The following SEPTIN9 variants were observed in gnomAD, a reference collection of about 807,000 sequenced individuals.
SEPTIN9 encodes septin 9, also known as septin-9.
In SEPTIN9, 13 loss-of-function variants were observed where a neutral mutation model predicts 56.6. That is an observed-to-expected ratio of 0.23 (90% CI 0.15 to 0.37). The LOEUF (loss-of-function observed/expected upper bound fraction) is 0.37, where lower values mean the gene tolerates loss of function less well. Ranked by LOEUF, SEPTIN9 falls within the 10% of genes least tolerant of loss-of-function variation. The pLI is 1.00. For missense variants in SEPTIN9, 650 were observed against 823.1 expected, an observed-to-expected ratio of 0.79 and a Z score of 2.57; for synonymous variants, 332 against 334.1, an observed-to-expected ratio of 0.99 and a Z score of 0.07.
chr17:77,380,451 C>T (rs930210355), intron 2 of SEPTIN9, among the ~76,000 whole-genome samples: 1 of 151,986 alleles, frequency 6.6e-6, no homozygotes. Flanking sequence ...GGCATTCTGT[C>T]ACTCCTGGCA....
chr17:77,421,600 C>T lies in SEPTIN9; in HGVS notation c.721+18897C>T, dbSNP rs544517627. On this transcript the variant is annotated intron_variant, in intron 3 of 11. Coordinates refer to ENST00000427177, the MANE Select transcript of SEPTIN9 (RefSeq NM_001113491.2). This position sits in a 1 kb window ranked among gnomAD's most constrained non-coding sequence, Gnocchi z 4.6. ...CACATGTCCCAGAATGCACCCTCTGCGTGTACAGGGATGGCTTTTGGGCCA... is the reference window on the plus strand; with the variant it reads ...CACATGTCCCAGAATGCACCCTCTGTGTGTACAGGGATGGCTTTTGGGCCA... 2.6e-5 allele frequency among the ~76,000 whole-genome samples: 4 copies of T among 152,298 alleles called. No homozygotes were observed. In the East Asian group the frequency reaches 7.7e-4, roughly 29 times the overall value.
At chr17:77,346,278 CTTTTTTT>C (rs577131369) in intron 2 of SEPTIN9, among the ~76,000 whole-genome samples, 101 of 46,314 alleles carry the variant, frequency 2.2e-3, no homozygotes, top group African/African-American at 6.0e-3. Flanking sequence ...ATCCTTAGGT[CTTTTTTT>C]TTTTTTTTTT....
chr17:77,488,612 C>T lies in SEPTIN9; in HGVS notation c.1125-115C>T, dbSNP rs1383405823. On this transcript the variant is annotated intron_variant, in intron 6 of 11. Coordinates refer to ENST00000427177, the MANE Select transcript of SEPTIN9 (RefSeq NM_001113491.2). ...TCTCCGCTCAGCAAGCCAGACCTCC[C>T]AGGGCATGCATTTCATTGGAAGGTG... is the stretch of plus-strand genomic sequence containing the variant. 14 of 1,438,140 alleles carry T rather than the reference C, an allele frequency of 9.7e-6. No individual in the cohort carries two copies. The East Asian group carries it at 2.5e-4, about 26-fold the overall frequency. The allele number at this position is 1,438,140 out of a possible 1,614,324, so 89.1% of individuals were successfully genotyped here.
chr17:77,284,650 G>A (rs1287117183), intron 1 of SEPTIN9, among the ~76,000 whole-genome samples: 2 of 152,028 alleles, frequency 1.3e-5, no homozygotes, highest in Non-Finnish European at 2.9e-5. Context: ...TTATTTTTGA[G>A]ACGGAGTCTC....
chr17:77,497,114 C>T, intron 10 of SEPTIN9: 2 of 653,152 alleles, frequency 3.1e-6, no homozygotes, highest in Non-Finnish European at 5.6e-6. Flanking sequence ...GTGCTGGTCA[C>T]TCCAGTATCC....
chr17:77,390,490 C>T (rs1242562481), intron 2 of SEPTIN9, among the ~76,000 whole-genome samples: 5 of 125,096 alleles, frequency 4.0e-5, no homozygotes, highest in South Asian at 2.7e-4. Flanking sequence ...CTCGCTCTGT[C>T]GCCCAGGCTG....
intron 3 of SEPTIN9, among the ~76,000 whole-genome samples, chr17:77,469,954 C>G (rs1353701545): frequency 6.7e-6 from 1 of 150,356 alleles, no homozygotes; most frequent in Non-Finnish European, 1.5e-5. Context: ...TGCCCATCCA[C>G]TCACCCACCC....
At chr17:77,428,364 C>T (rs909810537) in intron 3 of SEPTIN9, among the ~76,000 whole-genome samples, 2 of 152,204 alleles carry the variant, frequency 1.3e-5, no homozygotes, top group Non-Finnish European at 1.5e-5. Context: ...ACAGGCGAAG[C>T]GGTCAAGGGA....
chr17:77,319,489 C>T lies in SEPTIN9; in HGVS notation c.76+12292C>T, dbSNP rs570394720. The T allele has an allele frequency of 1.0e-5, 10 of 991,204 alleles. No homozygotes were observed. In the African/African-American group the frequency reaches 1.7e-4, roughly 17 times the overall value. The allele number at this position is 991,204 out of a possible 1,614,324, so 61.4% of individuals were successfully genotyped here. The stretch of plus-strand genomic sequence containing the variant: ...CCAGGAAGTCCCCGTCCCGTTCGCC[C>T]TCTCTGCCTGGGCGGGGACGGCAAC... On this transcript the variant is annotated intron_variant, in intron 2 of 11. Coordinates refer to ENST00000427177, the MANE Select transcript of SEPTIN9 (RefSeq NM_001113491.2). This position sits in a 1 kb window ranked among gnomAD's most constrained non-coding sequence, Gnocchi z 5.3.
chr17:77,355,618 G>A (rs189410215), intron 2 of SEPTIN9, among the ~76,000 whole-genome samples: 9 of 152,218 alleles, frequency 5.9e-5, no homozygotes, highest in Non-Finnish European at 1.3e-4. Flanking sequence ...CCCATGCACC[G>A]TGGCTGCCGC....
In SEPTIN9 at chr17:77,480,347, C is replaced by T. The variant is rs188011299; in HGVS notation, c.722-1797C>T. Among the ~76,000 whole-genome samples the T allele has an allele frequency of 2.9e-3, 442 of 152,342 alleles. 1 individual carries two copies. Among genetic ancestry groups the T allele is most frequent in the Non-Finnish European group, 4.9e-3 (330 of 68,028 alleles). On this transcript the variant is annotated intron_variant, in intron 3 of 11. Coordinates refer to ENST00000427177, the MANE Select transcript of SEPTIN9 (RefSeq NM_001113491.2). ...CTCTGATGCCTCAGGCCTGGGGAGC[C>T]TCCCTCCGACACCCTCTGACCGCTC...
intron 2 of SEPTIN9, among the ~76,000 whole-genome samples, chr17:77,384,860 C>T (rs1047240499): frequency 1.3e-5 from 2 of 150,656 alleles, no homozygotes; most frequent in African/African-American, 4.9e-5. Context: ...CACACACACA[C>T]ACACACACAC....
rs572163862 is a variant in SEPTIN9, at chr17:77,409,398, C to T, written c.721+6695C>T. On this transcript the variant is annotated intron_variant, in intron 3 of 11. Coordinates refer to ENST00000427177, the MANE Select transcript of SEPTIN9 (RefSeq NM_001113491.2). ...AGAGCCCAGGAAGAGAACCCCTCCC[C>T]TCGCCGGCCTGCCAAGCACCGTGCA... 1.2e-4 allele frequency among the ~76,000 whole-genome samples: 19 copies of T among 152,320 alleles called. No individual in the cohort carries two copies. The East Asian group carries it at 2.1e-3, about 17-fold the overall frequency.
chr17:77,373,643 G>C, intron 2 of SEPTIN9: 1 of 1,500,336 alleles, frequency 6.7e-7, no homozygotes, highest in Non-Finnish European at 8.9e-7. Context: ...GCTGAGGGGA[G>C]ACGGGAGTGC....
intron 2 of SEPTIN9, among the ~76,000 whole-genome samples, chr17:77,337,932 C>T (rs1208151563): frequency 6.6e-6 from 1 of 152,208 alleles, no homozygotes; most frequent in Non-Finnish European, 1.5e-5. Context: ...CATGGTGGCT[C>T]ATGCCTGTAA....
intron 2 of SEPTIN9, among the ~76,000 whole-genome samples, chr17:77,322,313 T>C (rs1405125851): frequency 6.6e-6 from 1 of 152,226 alleles, no homozygotes; most frequent in East Asian, 1.9e-4. Flanking sequence ...GAGACCACTC[T>C]GATCCCTGCT....
At position 77,435,421 on chromosome 17, in the gene SEPTIN9, C is replaced by T. The variant is rs1355537750; in HGVS notation, c.721+32718C>T. Among the ~76,000 whole-genome samples the T allele has an allele frequency of 6.6e-6, 1 of 152,214 alleles. No individual in the cohort carries two copies. The highest frequency in any genetic ancestry group is 2.4e-5 in the African/African-American group (1 of 41,462). On this transcript the variant is annotated intron_variant, in intron 3 of 11. Coordinates refer to ENST00000427177, the MANE Select transcript of SEPTIN9 (RefSeq NM_001113491.2). This position sits in a 1 kb window ranked among gnomAD's most constrained non-coding sequence, Gnocchi z 4.5. ...CCTAAACACGCCCCCCATGGTGGCT[C>T]TGTTTCCTCCTCTCCTCTGAACCTG...
intron 2 of SEPTIN9, among the ~76,000 whole-genome samples, chr17:77,315,884 G>A (rs1234767215): frequency 2.0e-5 from 3 of 152,176 alleles, no homozygotes; most frequent in Non-Finnish European, 4.4e-5. Flanking sequence ...TCTGGAAGGG[G>A]CTTTTGGGTA....
At chr17:77,375,807 A>C (rs1476586205) in intron 2 of SEPTIN9, 2 of 152,790 alleles carry the variant, frequency 1.3e-5, no homozygotes, top group South Asian at 2.0e-4. Context: ...TAGGCGTGAG[A>C]GAGTGTGTGT....
Sources: allele counts gnomAD v4.1 joint callset (sites outside exome capture counted in the v4.1 genomes callset), GRCh38; gene constraint gnomAD v4.1.1; non-coding constraint Gnocchi (gnomAD v3.1); transcripts MANE v1.5; gene names NCBI Gene and HGNC (gene_info 2026-07-23, HGNC 2026-07-21).